The following FCHSD2 variants were observed in gnomAD, a reference collection of about 807,000 sequenced individuals.
The protein encoded by FCHSD2 is FCH and double SH3 domains 2.
A neutral mutation model predicts 108.1 loss-of-function variants in FCHSD2; 38 were observed. The ratio of observed to expected loss-of-function variants is 0.35; its 90% confidence interval spans 0.27 to 0.46. The LOEUF (loss-of-function observed/expected upper bound fraction) is 0.46, where lower values mean the gene tolerates loss of function less well. Among genes scored for constraint, FCHSD2 ranks in the 20% least tolerant of loss-of-function variants. The probability of loss-of-function intolerance (pLI) is 1.00; values close to 1 mark genes in which losing one functional copy is unlikely to be tolerated. For missense variants in FCHSD2, 751 were observed against 897.8 expected (o/e 0.84, Z 2.09); for synonymous variants, 279 against 314.7 (o/e 0.89, Z 1.20).
At chr11:73,055,606 A>G (rs1368599845) in intron 3 of FCHSD2, among the ~76,000 whole-genome samples, 1 of 152,228 alleles carries the variant, frequency 6.6e-6, no homozygotes, top group Non-Finnish European at 1.5e-5. Context: ...ATATTTTATA[A>G]TGTATACAAT....
chr11:72,950,167 C>A (rs918966971), intron 8 of FCHSD2, among the ~76,000 whole-genome samples: 5 of 152,082 alleles, frequency 3.3e-5, no homozygotes, highest in African/African-American at 1.2e-4. Context: ...CTATTAAAAT[C>A]CTTGCCCTTT....
At chr11:72,997,238 C>T (rs933610844) in intron 5 of FCHSD2, among the ~76,000 whole-genome samples, 5 of 152,066 alleles carry the variant, frequency 3.3e-5, no homozygotes, top group African/African-American at 1.2e-4. Context: ...GGTTAGAGTT[C>T]AAGTCTTGTC....
chr11:73,129,160 C>T (rs755699337), intron 2 of FCHSD2, among the ~76,000 whole-genome samples: 12 of 152,294 alleles, frequency 7.9e-5, no homozygotes, highest in Non-Finnish European at 1.2e-4. Flanking sequence ...CATGAGCCAC[C>T]GCGCCTGGCC....
At chr11:73,036,171 T>G (rs1251833760) in intron 3 of FCHSD2, among the ~76,000 whole-genome samples, 3 of 152,192 alleles carry the variant, frequency 2.0e-5, no homozygotes, top group Non-Finnish European at 4.4e-5. Context: ...ATGGGTCATT[T>G]GACTTCCAAG....
intron 19 of FCHSD2, among the ~76,000 whole-genome samples, chr11:72,840,349 C>G (rs1176864001): frequency 6.6e-6 from 1 of 152,114 alleles, no homozygotes; most frequent in East Asian, 1.9e-4. Context: ...AATAAAATTG[C>G]AAAGTATCCG....
At chr11:73,116,560 T>C (rs1415227309) in intron 2 of FCHSD2, among the ~76,000 whole-genome samples, 3 of 152,104 alleles carry the variant, frequency 2.0e-5, no homozygotes, top group Non-Finnish European at 2.9e-5. Flanking sequence ...TTCTTTGAGA[T>C]GGGGTCCCAC....
chr11:72,842,889 T>C (rs1861005540), intron 16 of FCHSD2, 48 bp from the exon 17 acceptor site: 2 of 1,499,326 alleles, frequency 1.3e-6, no homozygotes, highest in Non-Finnish European at 9.2e-7. Context: ...TAACAGCCGG[T>C]TGCTTTTGCA....
intron 4 of FCHSD2, among the ~76,000 whole-genome samples, chr11:73,008,211 C>T (rs1250725887): frequency 6.6e-6 from 1 of 152,026 alleles, no homozygotes; most frequent in Non-Finnish European, 1.5e-5. Context: ...TGGTGATGCA[C>T]ACCTGTAATC....
At chr11:73,079,750 A>G (rs1319785710) in intron 3 of FCHSD2, among the ~76,000 whole-genome samples, 1 of 152,180 alleles carries the variant, frequency 6.6e-6, no homozygotes, top group Non-Finnish European at 1.5e-5. Context: ...GGAGAACATT[A>G]AAGAGTAAGA....
chr11:72,992,766 A>G (rs1276208087), intron 5 of FCHSD2, among the ~76,000 whole-genome samples: 4 of 152,206 alleles, frequency 2.6e-5, no homozygotes, highest in South Asian at 2.1e-4. Context: ...TTCAAGATGG[A>G]TTAAAGACTT....
intron 11 of FCHSD2, among the ~76,000 whole-genome samples, chr11:72,889,454 T>A (rs1855268622): frequency 6.6e-6 from 1 of 152,092 alleles, no homozygotes; most frequent in Non-Finnish European, 1.5e-5. Flanking sequence ...AGCACACTGC[T>A]GAGTGTTGAG....
intron 12 of FCHSD2, among the ~76,000 whole-genome samples, chr11:72,887,023 T>C (rs1475576575): frequency 6.6e-6 from 1 of 151,998 alleles, no homozygotes; most frequent in Non-Finnish European, 1.5e-5. Flanking sequence ...GCCCAGCTCA[T>C]GCCCCTGGAT....
intron 2 of FCHSD2, among the ~76,000 whole-genome samples, chr11:73,121,412 G>A (rs1337763067): frequency 6.6e-6 from 1 of 151,916 alleles, no homozygotes; most frequent in African/African-American, 2.4e-5. Flanking sequence ...TACCAGAAAA[G>A]GCCTCATAAA....
At chr11:73,078,884 A>T (rs1182302058) in intron 3 of FCHSD2, among the ~76,000 whole-genome samples, 2 of 151,678 alleles carry the variant, frequency 1.3e-5, no homozygotes, top group East Asian at 3.9e-4. Context: ...CGCCTGGCTA[A>T]TTTTTTTTTA....
At chr11:72,990,438 T>C (rs1034141176) in intron 5 of FCHSD2, among the ~76,000 whole-genome samples, 1 of 152,176 alleles carries the variant, frequency 6.6e-6, no homozygotes, top group Non-Finnish European at 1.5e-5. Flanking sequence ...ATTCCAAAAC[T>C]GACCACATAG....
intron 13 of FCHSD2, among the ~76,000 whole-genome samples, chr11:72,851,877 CTTTT>C (rs56101807): frequency 4.0e-4 from 49 of 123,430 alleles, no homozygotes; most frequent in Admixed American, 5.5e-4. Context: ...GTCAGAGTGG[CTTTT>C]TTTTTTTTTT....
chr11:73,106,408 A>G (rs1281520814), intron 2 of FCHSD2, among the ~76,000 whole-genome samples: 1 of 146,278 alleles, frequency 6.8e-6, no homozygotes, highest in Non-Finnish European at 1.5e-5. Context: ...TCTGTCTCCA[A>G]AAAAAAAAAA....
intron 10 of FCHSD2, among the ~76,000 whole-genome samples, chr11:72,898,917 AT>A (rs1019655566): frequency 1.6e-4 from 24 of 146,514 alleles, no homozygotes; most frequent in East Asian, 5.9e-4. Flanking sequence ...TATTATTATT[AT>A]TTTTTTTTTA....
intron 2 of FCHSD2, among the ~76,000 whole-genome samples, chr11:73,127,563 T>C (rs542516914): frequency 9.9e-5 from 15 of 152,202 alleles, no homozygotes; most frequent in South Asian, 2.1e-4. Context: ...ACCAACAACA[T>C]AGAATGGCAT....
Sources: gnomAD v4.1 joint callset for allele counts (sites outside exome capture counted in the v4.1 genomes callset) on GRCh38, gnomAD v4.1.1 for gene constraint, MANE v1.5 for transcripts, NCBI Gene and HGNC (gene_info 2026-07-23, HGNC 2026-07-21) for gene names.